The following ZNF787 variants were observed in gnomAD, a reference collection of about 807,000 sequenced individuals.
ZNF787 encodes TTF-I-interacting peptide 20.
In ZNF787, 7 loss-of-function variants were observed where a neutral mutation model predicts 16.9. That is an observed-to-expected ratio of 0.42 (90% CI 0.24 to 0.78). ZNF787 has a LOEUF of 0.78. Among genes scored for constraint, ZNF787 ranks in the 30% least tolerant of loss-of-function variants. ZNF787 has a pLI of 0.30. For missense variants in ZNF787, 551 were observed against 589.3 expected, an observed-to-expected ratio of 0.94 and a Z score of 0.67; for synonymous variants, 345 against 270.9, an observed-to-expected ratio of 1.27 and a Z score of -2.69.
Position 56,087,820 on chromosome 19 carries a change from T to C in ZNF787, c.*203A>G. 2 of 809,902 alleles carry C rather than the reference T, an allele frequency of 2.5e-6. No individual in the cohort carries two copies. Among genetic ancestry groups the C allele is most frequent in the South Asian group, 4.9e-5 (1 of 20,282 alleles). The allele number at this position is 809,902 out of a possible 1,614,324, so 50.2% of individuals were successfully genotyped here. ...GGCGGGCCAGGCTGAGGGGGCAGAG[T>C]CTCGAGGCGGAGAAGTGAACGGGCC... On this transcript the variant is annotated 3_prime_UTR_variant, in exon 3 of 3. Transcript: ENST00000610935.
chr19:56,109,352 C>T (rs1203106516), intron 1 of ZNF787, among the ~76,000 whole-genome samples: 1 of 151,988 alleles, frequency 6.6e-6, no homozygotes, highest in African/African-American at 2.4e-5. Flanking sequence ...TCTAGCCTCC[C>T]CTTTCTTCCT....
chr19:56,113,449 C>T (rs667438), intron 1 of ZNF787, among the ~76,000 whole-genome samples: 139,245 of 152,258 alleles, frequency 0.91, 64,362 homozygotes, highest in Non-Finnish European at 0.99. Context: ...GGCATAACAG[C>T]CGAAATGTAG....
intron 1 of ZNF787, among the ~76,000 whole-genome samples, chr19:56,112,848 G>T (rs889646099): frequency 6.6e-6 from 1 of 151,796 alleles, no homozygotes; most frequent in Non-Finnish European, 1.5e-5. Context: ...TGGGGCGGGG[G>T]AGGAGCTCTG....
rs370870686 is a variant in ZNF787 at position 56,093,752 on chromosome 19, C to T, written c.80-4660G>A. ...TTCTCCTGGCATAAAGTGCTAAGTC[C>T]GAGCATAGTCATGTTGACTTTCCAA... On this transcript the variant is annotated intron_variant, in intron 2 of 2. Coordinates refer to ENST00000610935, the MANE Select transcript of ZNF787 (RefSeq NM_001002836.4). 3.9e-5 allele frequency among the ~76,000 whole-genome samples: 6 copies of T among 152,292 alleles called. No homozygotes were observed. The East Asian group carries it at 1.2e-3, about 29-fold the overall frequency.
chr19:56,087,958 C>T lies in ZNF787; in HGVS notation c.*65G>A, dbSNP rs1985367655. 3.1e-6 allele frequency: 4 copies of T among 1,298,302 alleles called. No homozygotes were observed. The South Asian group carries it at 6.1e-5, about 20-fold the overall frequency. 80.4% of individuals were successfully genotyped at this position (1,298,302 alleles called of 1,614,324 possible). Reference sequence around the variant, plus strand: ...TCCGCTTCTCCCTGGGTCTCTTGGTCTTGCACGTCGTCGCTCCCGCCAAGC... The same window carrying T: ...TCCGCTTCTCCCTGGGTCTCTTGGTTTTGCACGTCGTCGCTCCCGCCAAGC... On this transcript the variant is annotated 3_prime_UTR_variant, in exon 3 of 3. Transcript: ENST00000610935.
At chr19:56,113,978 G>A (rs2030057318) in intron 1 of ZNF787, among the ~76,000 whole-genome samples, 1 of 152,078 alleles carries the variant, frequency 6.6e-6, no homozygotes, top group Non-Finnish European at 1.5e-5. Flanking sequence ...TACAAGCGCT[G>A]AACTGTGTAC....
chr19:56,102,848 G>A, intron 2 of ZNF787: 1 of 700,488 alleles, frequency 1.4e-6, no homozygotes, highest in Non-Finnish European at 2.6e-6. Flanking sequence ...CAACAGACGG[G>A]GGTGCTGCCC....
At chr19:56,116,284 T>C (rs2030135812) in intron 1 of ZNF787, among the ~76,000 whole-genome samples, 1 of 151,674 alleles carries the variant, frequency 6.6e-6, no homozygotes, top group Admixed American at 6.6e-5. Flanking sequence ...TACTAAAAAA[T>C]ACAAAAAATT....
chr19:56,102,532 T>A, intron 2 of ZNF787: 1 of 261,710 alleles, frequency 3.8e-6, no homozygotes, highest in Admixed American at 5.1e-5. Flanking sequence ...CACAAATGAG[T>A]TTTGCTCAAC....
intron 2 of ZNF787, among the ~76,000 whole-genome samples, chr19:56,096,958 G>A (rs1197014861): frequency 6.6e-6 from 1 of 152,020 alleles, no homozygotes; most frequent in Non-Finnish European, 1.5e-5. Context: ...TCTCAACATC[G>A]GGAACTCCAT....
In ZNF787 at chr19:56,103,239, G is replaced by A. The variant is rs1986174491; in HGVS notation, c.-10-12C>T. 1 of 1,535,516 alleles carries A rather than the reference G, an allele frequency of 6.5e-7. No individual in the cohort carries two copies. Among genetic ancestry groups the A allele is most frequent in the East Asian group, 2.3e-5 (1 of 44,194 alleles). ...CCATGTCTGGGTCCCTGTTAGAAGG[G>A]GATGAGACAGAAGGACAGAGTTTAT... On this transcript the variant is annotated splice_polypyrimidine_tract_variant and intron_variant, in intron 1 of 2. Transcript: ENST00000610935.
At chr19:56,089,656 T>C (rs1985496806) in intron 2 of ZNF787, among the ~76,000 whole-genome samples, 2 of 152,082 alleles carry the variant, frequency 1.3e-5, no homozygotes, top group Admixed American at 1.3e-4. Context: ...GGATTGGAGA[T>C]GAGCATGAAA....
In ZNF787 at chr19:56,119,935, T is replaced by C. The variant is rs924220053; in HGVS notation, c.-11+1237A>G. ...GGGGTCAATCGGATCCCCAGATGGG[T>C]TCTAAGCACTGCGCAACATGGGACC... On this transcript the variant is annotated intron_variant, in intron 1 of 2. Transcript: ENST00000610935. Among the ~76,000 whole-genome samples, 5 of 151,948 alleles carry C rather than the reference T, an allele frequency of 3.3e-5. No individual in the cohort carries two copies. In the South Asian group the frequency reaches 1.0e-3, roughly 32 times the overall value.
chr19:56,106,354 G>C (rs1046471290), intron 1 of ZNF787, among the ~76,000 whole-genome samples: 4 of 152,368 alleles, frequency 2.6e-5, no homozygotes, highest in African/African-American at 7.2e-5. Context: ...ACAACTGTGA[G>C]CTGCTTCCAC....
chr19:56,115,445 G>A (rs896755807), intron 1 of ZNF787, among the ~76,000 whole-genome samples: 4 of 138,990 alleles, frequency 2.9e-5, no homozygotes, highest in Admixed American at 2.3e-4. Context: ...TGCAAGCTCC[G>A]CCTCCCGGGT....
chr19:56,089,888 G>A (rs547120050), intron 2 of ZNF787, among the ~76,000 whole-genome samples: 1 of 152,266 alleles, frequency 6.6e-6, no homozygotes, highest in East Asian at 1.9e-4. Flanking sequence ...TCCCGGGAGG[G>A]ATGGGCTTGC....
intron 1 of ZNF787, among the ~76,000 whole-genome samples, chr19:56,107,115 C>T (rs1017026535): frequency 1.3e-5 from 2 of 152,158 alleles, no homozygotes; most frequent in African/African-American, 4.8e-5. Context: ...CCAGGCACTG[C>T]TCTAAACGGC....
intron 1 of ZNF787, 30 bp from the exon 2 acceptor site, chr19:56,103,257 G>A: frequency 6.6e-7 from 1 of 1,518,012 alleles, no homozygotes; most frequent in Non-Finnish European, 8.8e-7. Flanking sequence ...CAGAAGGACA[G>A]AGTTTATGGG....
Position 56,102,845 on chromosome 19 carries a change from C to T in ZNF787, c.79+294G>A, listed in dbSNP as rs150201146. 5.2e-3 allele frequency: 3,667 copies of T among 699,150 alleles called. 16 individuals carry two copies. Among genetic ancestry groups the T allele is most frequent in the South Asian group, 7.7e-3 (515 of 67,140 alleles). The allele number at this position is 699,150 out of a possible 1,614,324, so 43.3% of individuals were successfully genotyped here. A position where few individuals can be genotyped will look rare whatever the true frequency, so the allele number is the denominator to read the frequency against. Reference sequence around the variant, plus strand: ...AGAGGAAGGGGGCACCCTCAACAGACGGGGGTGCTGCCCAGGCTGGAGGGG... The same window carrying T: ...AGAGGAAGGGGGCACCCTCAACAGATGGGGGTGCTGCCCAGGCTGGAGGGG... On this transcript the variant is annotated intron_variant, in intron 2 of 2. Coordinates refer to ENST00000610935, the MANE Select transcript of ZNF787 (RefSeq NM_001002836.4).
Sources: allele counts gnomAD v4.1 joint callset (sites outside exome capture counted in the v4.1 genomes callset), GRCh38; gene constraint gnomAD v4.1.1; transcripts MANE v1.5; gene names NCBI Gene and HGNC (gene_info 2026-07-23, HGNC 2026-07-21).